L3MBTL2: variants seen among roughly 807,000 people sequenced by gnomAD.
The protein encoded by L3MBTL2 is L3MBTL histone methyl-lysine binding protein 2.
A neutral mutation model predicts 86.4 loss-of-function variants in L3MBTL2; 49 were observed. That is an observed-to-expected ratio of 0.57 (90% confidence interval 0.45 to 0.72). L3MBTL2 has a LOEUF of 0.72. L3MBTL2 is among the 30% of genes least tolerant of loss of function. L3MBTL2 has a pLI of 0.00. For synonymous variants in L3MBTL2, 336 were observed against 350.6 expected, an observed-to-expected ratio of 0.96 and a Z score of 0.47; for missense variants, 755 against 923.7, an observed-to-expected ratio of 0.82 and a Z score of 2.37.
chr22:41,230,321 C>G lies in L3MBTL2; in HGVS notation c.*70C>G. ...CGTTTCTCTACCACCACCACCATGC[C>G]TCCACCTGACTTTGGCTTGGAGACT... On this transcript the variant is annotated 3_prime_UTR_variant, in exon 17 of 17. Transcript: ENST00000216237. 1 of 1,117,410 alleles carries G rather than the reference C, an allele frequency of 8.9e-7. No individual in the cohort carries two copies. Among genetic ancestry groups the G allele is most frequent in the Non-Finnish European group, 1.4e-6 (1 of 735,984 alleles). 69.2% of individuals were successfully genotyped at this position (1,117,410 alleles called of 1,614,324 possible).
Position 41,216,127 on chromosome 22 carries a change from CCTCCT to C in L3MBTL2, c.397-7_397-3del. On this transcript the variant is annotated splice_polypyrimidine_tract_variant and splice_region_variant and intron_variant, in intron 3 of 16. Transcript: ENST00000216237. ...CCGCCAGGCTACACATAGCCTCTGT[CCTCCT>C]CTCCAGGGAAAACCACCGACCAAAA... The C allele has an allele frequency of 6.2e-7, 1 of 1,609,710 alleles. No homozygotes were observed. The highest frequency in any genetic ancestry group is 8.5e-7 in the Non-Finnish European group (1 of 1,177,956).
chr22:41,226,069 G>A (rs959466860), intron 12 of L3MBTL2, 128 bp downstream of exon 12: 1 of 986,406 alleles, frequency 1.0e-6, no homozygotes, highest in South Asian at 1.6e-5. Context: ...CTGAGGTCAG[G>A]AGTTTGAGAC....
chr22:41,220,881 G>A lies in L3MBTL2; in HGVS notation c.853+13G>A, dbSNP rs1480897923. On this transcript the variant is annotated intron_variant, in intron 7 of 16. Coordinates refer to ENST00000216237, the MANE Select transcript of L3MBTL2 (RefSeq NM_031488.5). ...GTGCCCCCACGGAGTGAGTTGATGA[G>A]AACATTTCCTCTCTTGTTCCCGTAG... is the stretch of plus-strand genomic sequence containing the variant. The A allele has an allele frequency of 6.2e-7, 1 of 1,608,556 alleles. No homozygotes were observed. The highest frequency in any genetic ancestry group is 2.2e-5 in the East Asian group (1 of 44,642).
At chr22:41,205,446 G>A (rs1255571246) in intron 1 of L3MBTL2, 60 bp downstream of exon 1, 6 of 1,602,144 alleles carry the variant, frequency 3.7e-6, no homozygotes, top group Admixed American at 1.7e-5. Context: ...TCGCTCCGTG[G>A]GCCCTTCTTT....
At chr22:41,213,523 C>A (rs2031087492) in intron 2 of L3MBTL2, 1 of 157,924 alleles carries the variant, frequency 6.3e-6, no homozygotes, top group South Asian at 1.9e-4. Flanking sequence ...AATTCTTGCC[C>A]TCAAGCAATC....
Position 41,220,842 on chromosome 22 carries a change from A to G in L3MBTL2, c.827A>G (p.Asn276Ser), listed in dbSNP as rs1308070083. ...CACCCCATTGGCTGGTGTGCCATCA[A>G]CAGCAAGATCCTAGTGCCCCCACGG... ...DVHPIGWCAI[N>S]SKILVPPRTI... The change falls in exon 7 of 17, where the codon AAC becomes AGC. Residue 276 changes from asparagine (N) to serine (S), a missense_variant. By Grantham distance (46) the Asn-to-Ser change is conservative. This residue lies in a region of L3MBTL2 where 634 missense variants were observed against 748.9 expected (regional missense o/e 0.85). Coordinates refer to ENST00000216237, the MANE Select transcript of L3MBTL2 (RefSeq NM_031488.5). 5 of 1,613,712 alleles carry G rather than the reference A, an allele frequency of 3.1e-6. No individual in the cohort carries two copies. The Admixed American group carries it at 6.7e-5, about 22-fold the overall frequency.
intron 2 of L3MBTL2, among the ~76,000 whole-genome samples, chr22:41,210,474 C>T (rs1421667282): frequency 6.6e-6 from 1 of 152,158 alleles, no homozygotes; most frequent in African/African-American, 2.4e-5. Flanking sequence ...GGACTACAGG[C>T]GCCCGCCATG....
Position 41,229,654 on chromosome 22 carries a change from A to C in L3MBTL2, c.2003A>C (p.Glu668Ala). ...RKISSEPVPG[E>A]IIAVRVKEEH... is the part of the protein sequence containing the mutation. ...ATCTCGTCGGAGCCTGTTCCTGGCGAGAGTAAGAGCCACCGGGCTGGGTCA... is the reference window on the plus strand; with the variant it reads ...ATCTCGTCGGAGCCTGTTCCTGGCGCGAGTAAGAGCCACCGGGCTGGGTCA... Residue 668 changes from glutamate to alanine, a missense_variant and splice_region_variant, in exon 16 of 17, where the codon GAG becomes GCG. Coordinates refer to ENST00000216237, the MANE Select transcript of L3MBTL2 (RefSeq NM_031488.5). 6.2e-7 allele frequency: 1 copy of C among 1,613,428 alleles called. No individual in the cohort carries two copies. Among genetic ancestry groups the C allele is most frequent in the Non-Finnish European group, 8.5e-7 (1 of 1,180,026 alleles).
chr22:41,229,821 C>T (rs1458209093), intron 16 of L3MBTL2, 165 bp downstream of exon 16: 22 of 1,187,798 alleles, frequency 1.9e-5, no homozygotes, highest in South Asian at 6.5e-5. Flanking sequence ...TTCCCAGACA[C>T]GCCCCCAACT....
Position 41,226,709 on chromosome 22 carries a change from A to G in L3MBTL2, c.1552A>G (p.Lys518Glu). The G allele has an allele frequency of 6.2e-7, 1 of 1,614,054 alleles. No individual in the cohort carries two copies. Among genetic ancestry groups the G allele is most frequent in the Non-Finnish European group, 8.5e-7 (1 of 1,179,922 alleles). ...FNWENYLEKT[K>E]SKAAPSRLFN... Reference sequence around the variant, plus strand: ...CTGGGAGAACTACTTGGAGAAGACCAAGTCGAAAGCCGCTCCATCGAGACT... The same window carrying G: ...CTGGGAGAACTACTTGGAGAAGACCGAGTCGAAAGCCGCTCCATCGAGACT... Residue 518 changes from lysine to glutamate, a missense_variant, in exon 13 of 17, where the codon AAG becomes GAG. Coordinates refer to ENST00000216237, the MANE Select transcript of L3MBTL2 (RefSeq NM_031488.5).
intron 1 of L3MBTL2, 34 bp downstream of exon 1, chr22:41,205,420 G>C: frequency 1.2e-6 from 2 of 1,613,792 alleles, no homozygotes; most frequent in Non-Finnish European, 1.7e-6. Context: ...GACTGGGAAA[G>C]GGAACTCCGA....
rs930238812 is a variant in L3MBTL2, at chr22:41,230,183, C to T, written c.2050C>T (p.Pro684Ser). The T allele has an allele frequency of 2.5e-5, 41 of 1,613,332 alleles. No homozygotes were observed. The highest frequency in any genetic ancestry group is 3.3e-5 in the Non-Finnish European group (39 of 1,179,912). The change falls in exon 17 of 17, where the codon CCC becomes TCC. Residue 684 changes from proline to serine, a missense_variant. Pro to Ser is a moderately conservative substitution (Grantham distance 74, BLOSUM62 -1). This residue lies in a region of L3MBTL2 where 634 missense variants were observed against 748.9 expected (regional missense o/e 0.85). Transcript: ENST00000216237. ...GGAAGAGCATCTAGACGTGGCCTCGCCCGACAAGGCTTCAAGTCCAGAGCT... is the reference window on the plus strand; with the variant it reads ...GGAAGAGCATCTAGACGTGGCCTCGTCCGACAAGGCTTCAAGTCCAGAGCT... Reference protein sequence around the residue: ...VKEEHLDVASPDKASSPELPV... With the variant: ...VKEEHLDVASSDKASSPELPV...
At chr22:41,223,962 G>T (rs2032007892) in intron 8 of L3MBTL2, 58 bp from the exon 9 acceptor site, 2 of 1,351,936 alleles carry the variant, frequency 1.5e-6, no homozygotes, top group Admixed American at 3.4e-5. Flanking sequence ...ACCAGAGCAG[G>T]AGGGTGGGTG....
intron 2 of L3MBTL2, among the ~76,000 whole-genome samples, chr22:41,211,747 C>T (rs1250009450): frequency 1.4e-4 from 20 of 142,676 alleles, no homozygotes; most frequent in South Asian, 4.4e-4. Flanking sequence ...TTAGTAGAGA[C>T]GGGGTTTCAC....
At chr22:41,229,990 C>T in intron 16 of L3MBTL2, 149 bp from the exon 17 acceptor site, 1 of 689,086 alleles carries the variant, frequency 1.5e-6, no homozygotes, top group Non-Finnish European at 2.5e-6. Flanking sequence ...TTTGCTGCTG[C>T]CACTGCCCTC....
chr22:41,208,457 G>T (rs1169767633), intron 1 of L3MBTL2: 1 of 302,302 alleles, frequency 3.3e-6, no homozygotes, highest in Non-Finnish European at 6.6e-6. Flanking sequence ...TTACATGCTG[G>T]GTAGATTCAT....
At position 41,227,890 on chromosome 22, in the gene L3MBTL2, G is replaced by T; in HGVS notation, c.1888+21G>T. 6.2e-7 allele frequency: 1 copy of T among 1,610,584 alleles called. No homozygotes were observed. The highest frequency in any genetic ancestry group is 8.5e-7 in the Non-Finnish European group (1 of 1,178,340). On this transcript the variant is annotated intron_variant, in intron 15 of 16. Coordinates refer to ENST00000216237, the MANE Select transcript of L3MBTL2 (RefSeq NM_031488.5). The surrounding 1 kb of genome is among the most constrained non-coding windows in gnomAD (Gnocchi z 6.0). ...GAAAAGTAAGTGCTGCACCGGTGCA[G>T]CCAGGCTGGTGTGGGCCTGGGAGCA...
At position 41,209,872 on chromosome 22, in the gene L3MBTL2, C is replaced by T. The variant is rs576932999; in HGVS notation, c.201C>T (p.Ser67=). 1.9e-6 allele frequency: 3 copies of T among 1,614,102 alleles called. No individual in the cohort carries two copies. The highest frequency in any genetic ancestry group is 2.2e-5 in the South Asian group (2 of 91,086). Residue 67 remains serine, a synonymous_variant, in exon 2 of 17, where the codon TCC becomes TCT. Coordinates refer to ENST00000216237, the MANE Select transcript of L3MBTL2 (RefSeq NM_031488.5). ...EDREAGELPT[S]PLHLLSPGTP... The stretch of plus-strand genomic sequence containing the variant: ...GGGAAGCAGGGGAACTGCCGACCTC[C>T]CCGCTGCATTTGCTCAGCCCTGGGA...
At chr22:41,205,490 G>T in intron 1 of L3MBTL2, 104 bp downstream of exon 1, 1 of 1,346,964 alleles carries the variant, frequency 7.4e-7, no homozygotes, top group Non-Finnish European at 1.1e-6. Context: ...GGTGGAGGGT[G>T]GGAGGATGGA....
Sources: allele counts gnomAD v4.1 joint callset (sites outside exome capture counted in the v4.1 genomes callset), GRCh38; gene constraint gnomAD v4.1.1; regional missense constraint gnomAD v4.1.1; non-coding constraint Gnocchi (gnomAD v3.1); transcripts MANE v1.5; gene names NCBI Gene and HGNC (gene_info 2026-07-23, HGNC 2026-07-21).